Variants in EXOC6 observed in about 807,000 individuals in gnomAD.
The protein encoded by EXOC6 is exocyst complex component 6, also known as SEC15-like 1.
In EXOC6, 60 loss-of-function variants were observed where a neutral mutation model predicts 112.5. The observed-to-expected ratio is 0.53, with a 90% CI of 0.43 to 0.66. The LOEUF (loss-of-function observed/expected upper bound fraction) is 0.66. Ranked by LOEUF, EXOC6 falls within the 30% of genes least tolerant of loss-of-function variation. The pLI, the probability that EXOC6 is intolerant of heterozygous loss-of-function variation, is 0.00. For missense variants in EXOC6, 855 were observed against 957.1 expected (o/e 0.89, Z 1.41); for synonymous variants, 295 against 308.0 (o/e 0.96, Z 0.44).
intron 13 of EXOC6, among the ~76,000 whole-genome samples, chr10:92,943,831 T>G (rs1852814330): frequency 6.6e-6 from 1 of 152,202 alleles, no homozygotes; most frequent in African/African-American, 2.4e-5. Context: ...CTATTTCTCC[T>G]GTCTGACTGA....
At chr10:93,012,876 C>A (rs2050790) in intron 19 of EXOC6, among the ~76,000 whole-genome samples, 1,662 of 151,754 alleles carry the variant, frequency 0.011, 32 homozygotes, top group African/African-American at 0.037. Context: ...ACCAAAAAAA[C>A]CCCCAAAAAA....
intron 14 of EXOC6, 66 bp downstream of exon 14, chr10:92,948,445 A>G: frequency 1.1e-6 from 1 of 903,592 alleles, no homozygotes; most frequent in Non-Finnish European, 1.6e-6. Flanking sequence ...TTACTACATA[A>G]TATTAAATAT....
At chr10:92,958,010 C>T (rs1853785814) in intron 17 of EXOC6, among the ~76,000 whole-genome samples, 1 of 152,138 alleles carries the variant, frequency 6.6e-6, no homozygotes, top group South Asian at 2.1e-4. Context: ...GATACCTATA[C>T]CTCCATTTGC....
intron 9 of EXOC6, among the ~76,000 whole-genome samples, chr10:92,929,619 T>C (rs959552276): frequency 2.0e-5 from 3 of 152,210 alleles, no homozygotes; most frequent in African/African-American, 7.2e-5. Context: ...AGCTTGCTAA[T>C]ATAAATAGGG....
chr10:93,018,591 C>T (rs1465331652), intron 20 of EXOC6, among the ~76,000 whole-genome samples: 1 of 147,782 alleles, frequency 6.8e-6, no homozygotes, highest in Non-Finnish European at 1.5e-5. Context: ...ATAGTGTTTG[C>T]CTCTTAAATC....
chr10:92,865,303 G>A (rs535361794), intron 1 of EXOC6, among the ~76,000 whole-genome samples: 131 of 152,206 alleles, frequency 8.6e-4, no homozygotes, highest in African/African-American at 3.0e-3. Flanking sequence ...GGAGGCCAAG[G>A]CGGGTGAATC....
chr10:92,848,446 C>CCCCCCCCCGA, upstream of EXOC6: 1 of 1,008,482 alleles, frequency 9.9e-7, no homozygotes, highest in Non-Finnish European at 1.2e-6. Flanking sequence ...CCGCCCCCGC[C>CCCCCCCCCGA]CCGCCCCTTC....
chr10:92,847,913 AT>A (rs1413906290), upstream of EXOC6, among the ~76,000 whole-genome samples: 1 of 123,158 alleles, frequency 8.1e-6, no homozygotes, highest in Non-Finnish European at 1.7e-5. Flanking sequence ...TATGTCGCTT[AT>A]AATTTATTTC....
intron 20 of EXOC6, among the ~76,000 whole-genome samples, chr10:93,027,271 C>T (rs1473704273): frequency 6.6e-6 from 1 of 152,180 alleles, no homozygotes; most frequent in Non-Finnish European, 1.5e-5. Context: ...GAGGTTGGTT[C>T]ATGAGGTTTA....
At chr10:92,935,958 T>A in intron 12 of EXOC6, 73 bp downstream of exon 12, 1 of 925,104 alleles carries the variant, frequency 1.1e-6, no homozygotes, top group Non-Finnish European at 1.7e-6. Flanking sequence ...TATACTCATT[T>A]ATGTTATTGT....
chr10:92,847,349 G>C (rs1322580838), upstream of EXOC6, among the ~76,000 whole-genome samples: 1 of 152,176 alleles, frequency 6.6e-6, no homozygotes, highest in Non-Finnish European at 1.5e-5. Flanking sequence ...ATTAATCCAA[G>C]AATTAATGTC....
chr10:92,980,443 G>A (rs1178457415), intron 18 of EXOC6, among the ~76,000 whole-genome samples: 1 of 123,190 alleles, frequency 8.1e-6, no homozygotes, highest in Non-Finnish European at 1.7e-5. Context: ...TTCTTCCCTT[G>A]TTACAGTTTT....
At chr10:92,836,773 CTG>C (rs2133575948) in intron 1 of EXOC6, among the ~76,000 whole-genome samples, 1 of 152,254 alleles carries the variant, frequency 6.6e-6, no homozygotes, top group African/African-American at 2.4e-5. Context: ...TCTACTGTAA[CTG>C]TGCTTAAGGA....
Position 92,869,208 on chromosome 10 carries a change from G to T in EXOC6, c.101+20574G>T, listed in dbSNP as rs542186536. On this transcript the variant is annotated intron_variant, in intron 1 of 21. Coordinates refer to ENST00000260762, the MANE Select transcript of EXOC6 (RefSeq NM_019053.6). Reference sequence around the variant, plus strand: ...TGTAGAGATGAGGTCTTACCCTGTTGCCTAGGCTGGTGTCAAACTCCTGGG... The same window carrying T: ...TGTAGAGATGAGGTCTTACCCTGTTTCCTAGGCTGGTGTCAAACTCCTGGG... 6.6e-4 allele frequency among the ~76,000 whole-genome samples: 100 copies of T among 152,006 alleles called. 2 individuals carry two copies. Among genetic ancestry groups the T allele is most frequent in the African/African-American group, 2.3e-3 (96 of 41,474 alleles).
chr10:92,946,018 C>T (rs545742513), intron 13 of EXOC6, among the ~76,000 whole-genome samples: 3 of 151,972 alleles, frequency 2.0e-5, no homozygotes, highest in South Asian at 2.1e-4. Context: ...AGGCCGGGCA[C>T]GGTGGCTCAC....
intron 5 of EXOC6, among the ~76,000 whole-genome samples, chr10:92,907,360 C>A (rs2133863940): frequency 6.6e-6 from 1 of 152,268 alleles, no homozygotes. Flanking sequence ...AAGAGTTCAA[C>A]CCCCTGACCT....
At chr10:93,015,156 C>T (rs1396964896) in intron 20 of EXOC6, among the ~76,000 whole-genome samples, 2 of 152,080 alleles carry the variant, frequency 1.3e-5, no homozygotes, top group East Asian at 3.9e-4. Context: ...TTCCCATTCC[C>T]TTTAGGGGAT....
intron 1 of EXOC6, among the ~76,000 whole-genome samples, chr10:92,882,155 T>C (rs953166259): frequency 6.6e-6 from 1 of 152,186 alleles, no homozygotes; most frequent in African/African-American, 2.4e-5. Flanking sequence ...CATTGGTTTT[T>C]TTCTTGGTAT....
At chr10:93,022,657 T>C (rs1844839465) in intron 20 of EXOC6, among the ~76,000 whole-genome samples, 1 of 152,102 alleles carries the variant, frequency 6.6e-6, no homozygotes, top group Non-Finnish European at 1.5e-5. Context: ...CCTATATTTG[T>C]TTTTTTGCTT....
Sources: gnomAD v4.1 joint callset for allele counts (sites outside exome capture counted in the v4.1 genomes callset) on GRCh38, gnomAD v4.1.1 for gene constraint, MANE v1.5 for transcripts, NCBI Gene and HGNC (gene_info 2026-07-23, HGNC 2026-07-21) for gene names.